Variants in GPATCH2 observed in about 807,000 individuals in gnomAD.
GPATCH2 encodes G-patch domain containing 2, also known as G patch domain-containing protein 2.
Under a neutral mutation model 58.0 loss-of-function variants are expected in GPATCH2, and 51 were observed. The ratio of observed to expected loss-of-function variants is 0.88; its 90% confidence interval spans 0.70 to 1.11. The LOEUF (loss-of-function observed/expected upper bound fraction) is 1.11, where lower values mean the gene tolerates loss of function less well. GPATCH2 is among the 50% of genes most tolerant of loss of function. The pLI, the probability that GPATCH2 is intolerant of heterozygous loss-of-function variation, is 0.00. For missense variants in GPATCH2, 625 were observed against 652.2 expected, an observed-to-expected ratio of 0.96 and a Z score of 0.45; for synonymous variants, 222 against 218.5, an observed-to-expected ratio of 1.02 and a Z score of -0.14.
intron 8 of GPATCH2, among the ~76,000 whole-genome samples, chr1:217,465,649 T>G (rs1335315802): frequency 6.6e-6 from 1 of 152,204 alleles, no homozygotes; most frequent in African/African-American, 2.4e-5. Flanking sequence ...GCCGCCAACA[T>G]GTAAGAACTG....
intron 8 of GPATCH2, among the ~76,000 whole-genome samples, chr1:217,475,850 A>G (rs1440512192): frequency 6.6e-6 from 1 of 152,206 alleles, no homozygotes; most frequent in Non-Finnish European, 1.5e-5. Flanking sequence ...GCTGAAGAAA[A>G]ATAATGCCTT....
chr1:217,534,131 G>A (rs2810776), intron 5 of GPATCH2, among the ~76,000 whole-genome samples: 3,765 of 152,092 alleles, frequency 0.025, 64 homozygotes, highest in Non-Finnish European at 0.035. Flanking sequence ...CAGGAGAATC[G>A]CTTGAACCCA....
At chr1:217,468,235 C>T (rs1660550319) in intron 8 of GPATCH2, among the ~76,000 whole-genome samples, 1 of 151,982 alleles carries the variant, frequency 6.6e-6, no homozygotes, top group Non-Finnish European at 1.5e-5. Context: ...TAAATCTGGG[C>T]AATAATCATC....
chr1:217,445,594 C>A (rs943870140), intron 9 of GPATCH2, among the ~76,000 whole-genome samples: 3 of 152,032 alleles, frequency 2.0e-5, no homozygotes, highest in Non-Finnish European at 4.4e-5. Flanking sequence ...ACTGAGACAT[C>A]CACTAAGTTT....
intron 6 of GPATCH2, among the ~76,000 whole-genome samples, chr1:217,507,331 G>A (rs1662611761): frequency 6.6e-6 from 1 of 152,126 alleles, no homozygotes; most frequent in African/African-American, 2.4e-5. Context: ...CATGTTGTAT[G>A]TAACAAAAAG....
At chr1:217,554,757 C>A (rs1364407559) in intron 5 of GPATCH2, among the ~76,000 whole-genome samples, 1 of 152,120 alleles carries the variant, frequency 6.6e-6, no homozygotes, top group African/African-American at 2.4e-5. Context: ...TTATATGTTA[C>A]TACACTGGAG....
At chr1:217,610,432 T>C in intron 4 of GPATCH2, 32 bp from the exon 5 acceptor site, 2 of 1,227,182 alleles carry the variant, frequency 1.6e-6, no homozygotes, top group Non-Finnish European at 2.4e-6. Context: ...TTTAGAAGTT[T>C]TCTATGATCA....
chr1:217,484,397 T>C (rs1479545223), intron 8 of GPATCH2, among the ~76,000 whole-genome samples: 1 of 151,878 alleles, frequency 6.6e-6, no homozygotes, highest in Non-Finnish European at 1.5e-5. Context: ...AGAAGTTACA[T>C]CACAGGTTTT....
At chr1:217,436,598 A>C (rs1658845597) in intron 9 of GPATCH2, among the ~76,000 whole-genome samples, 1 of 152,242 alleles carries the variant, frequency 6.6e-6, no homozygotes, top group African/African-American at 2.4e-5. Context: ...TTTGTATATG[A>C]ACAATATATC....
At chr1:217,431,492 C>T (rs371329658) in intron 9 of GPATCH2, 127 bp from the exon 10 acceptor site, 11 of 636,844 alleles carry the variant, frequency 1.7e-5, no homozygotes, top group Admixed American at 8.1e-5. Context: ...GAGGGGGTTG[C>T]GTATTCATCT....
intron 8 of GPATCH2, among the ~76,000 whole-genome samples, chr1:217,462,695 C>T (rs942047739): frequency 1.4e-4 from 22 of 152,066 alleles, no homozygotes; most frequent in African/African-American, 3.6e-4. Flanking sequence ...TTATGGTGTT[C>T]GCTATAAACA....
At chr1:217,469,618 G>C (rs992312742) in intron 8 of GPATCH2, among the ~76,000 whole-genome samples, 3 of 151,972 alleles carry the variant, frequency 2.0e-5, no homozygotes, top group African/African-American at 4.8e-5. Context: ...TCTAAAATGA[G>C]TGATAGCCAA....
chr1:217,615,347 A>G (rs906983873), intron 2 of GPATCH2, among the ~76,000 whole-genome samples: 1 of 152,132 alleles, frequency 6.6e-6, no homozygotes, highest in Non-Finnish European at 1.5e-5. Context: ...ACCTCTCTCT[A>G]GCTTTCTTCC....
chr1:217,579,151 G>A lies in GPATCH2; in HGVS notation c.1098+31170C>T, dbSNP rs527492913. 4.7e-4 allele frequency among the ~76,000 whole-genome samples: 71 copies of A among 152,016 alleles called. 1 individual carries two copies. The South Asian group carries it at 0.015, about 31-fold the overall frequency. ...ACGCACCTAAACACACACACAAAAA[G>A]GATGCAAAGAAATACAGCTTAGTTT... On this transcript the variant is annotated intron_variant, in intron 5 of 9. Transcript: ENST00000366935.
intron 5 of GPATCH2, among the ~76,000 whole-genome samples, chr1:217,584,071 GAGAA>G (rs1374563872): frequency 2.0e-5 from 3 of 151,914 alleles, no homozygotes; most frequent in Non-Finnish European, 4.4e-5. Flanking sequence ...GATGAAAGGT[GAGAA>G]AGAATCTGGT....
At chr1:217,473,663 A>C (rs989079165) in intron 8 of GPATCH2, among the ~76,000 whole-genome samples, 11 of 152,102 alleles carry the variant, frequency 7.2e-5, no homozygotes, top group African/African-American at 2.4e-4. Context: ...TAAAAAAAAA[A>C]CCCATAGACT....
At position 217,447,981 on chromosome 1, in the gene GPATCH2, C is replaced by A. The variant is rs147786843; in HGVS notation, c.1366+1268G>T. Among the ~76,000 whole-genome samples the A allele has an allele frequency of 3.1e-3, 472 of 151,852 alleles. 3 individuals are homozygous for A. The highest frequency in any genetic ancestry group is 0.011 in the African/African-American group (456 of 41,408). ...GGCATGGTGGTGGGCGCCCATAATC[C>A]CAACCACTTGGGAGGCTGAGGCAGG... On this transcript the variant is annotated intron_variant, in intron 9 of 9. Coordinates refer to ENST00000366935, the MANE Select transcript of GPATCH2 (RefSeq NM_018040.5).
At chr1:217,494,561 A>C (rs1661912981) in intron 7 of GPATCH2, among the ~76,000 whole-genome samples, 1 of 152,160 alleles carries the variant, frequency 6.6e-6, no homozygotes, top group Non-Finnish European at 1.5e-5. Flanking sequence ...CAACATAGCG[A>C]AACCTTGTCT....
intron 5 of GPATCH2, among the ~76,000 whole-genome samples, chr1:217,583,509 T>G (rs1378905811): frequency 2.0e-5 from 3 of 146,414 alleles, no homozygotes; most frequent in Admixed American, 7.0e-5. Flanking sequence ...AGGCAGAGGT[T>G]GCAGTGAGCC....
Sources: gnomAD v4.1 joint callset for allele counts (sites outside exome capture counted in the v4.1 genomes callset) on GRCh38, gnomAD v4.1.1 for gene constraint, MANE v1.5 for transcripts, NCBI Gene and HGNC (gene_info 2026-07-23, HGNC 2026-07-21) for gene names.